The following PCDH15 variants were observed in gnomAD, a reference collection of about 807,000 sequenced individuals.
PCDH15 encodes protocadherin-15.
In PCDH15, 129 loss-of-function variants were observed where a neutral mutation model predicts 178.5. The observed-to-expected ratio is 0.72, with a 90% CI of 0.63 to 0.84. PCDH15 has a LOEUF of 0.84. Among genes scored for constraint, PCDH15 ranks in the 40% least tolerant of loss-of-function variants. The probability of loss-of-function intolerance (pLI) is 0.00; values close to 1 mark genes in which losing one functional copy is unlikely to be tolerated. For missense variants in PCDH15, 2,230 were observed against 2,099.9 expected (o/e 1.06, Z -1.21); for synonymous variants, 800 against 732.0 (o/e 1.09, Z -1.50).
At chr10:55,416,772 G>A (rs967475206) in intron 2 of PCDH15, among the ~76,000 whole-genome samples, 1 of 151,712 alleles carries the variant, frequency 6.6e-6, no homozygotes, top group Non-Finnish European at 1.5e-5. Flanking sequence ...AAGTTTACTT[G>A]AGTTTCTGAT....
At chr10:54,754,709 T>A (rs72796506) in intron 1 of PCDH15, among the ~76,000 whole-genome samples, 16,521 of 152,064 alleles carry the variant, frequency 0.11, 1,170 homozygotes, top group Middle Eastern at 0.19. Context: ...TCCCATATGA[T>A]TATTTCAGCT....
At chr10:54,106,339 C>T (rs966861863) in intron 15 of PCDH15, among the ~76,000 whole-genome samples, 5 of 152,106 alleles carry the variant, frequency 3.3e-5, no homozygotes, top group East Asian at 3.8e-4. Flanking sequence ...ATGGAGTTAG[C>T]ACAGCTTCCT....
At chr10:54,949,995 C>T (rs1357654784) in intron 2 of PCDH15, among the ~76,000 whole-genome samples, 1 of 152,014 alleles carries the variant, frequency 6.6e-6, no homozygotes, top group Non-Finnish European at 1.5e-5. Flanking sequence ...TCTTCTGAGC[C>T]CTCCAAACTG....
intron 20 of PCDH15, among the ~76,000 whole-genome samples, chr10:54,002,849 AG>A (rs1198487886): frequency 1.3e-5 from 2 of 152,096 alleles, no homozygotes; most frequent in African/African-American, 4.8e-5. Flanking sequence ...AAGAAAGGGG[AG>A]GGGGTAACAC....
At chr10:54,621,706 A>AT (rs2093352760) in intron 2 of PCDH15, among the ~76,000 whole-genome samples, 2 of 152,050 alleles carry the variant, frequency 1.3e-5, no homozygotes, top group South Asian at 2.1e-4. Flanking sequence ...CTCAAATCCC[A>AT]TTTTTCTCCG....
intron 3 of PCDH15, among the ~76,000 whole-genome samples, chr10:54,843,735 C>T (rs1268634408): frequency 6.6e-6 from 1 of 151,854 alleles, no homozygotes; most frequent in South Asian, 2.1e-4. Context: ...CTTCAATAAA[C>T]GTAGTAAATA....
chr10:54,253,964 T>G (rs528050173), intron 8 of PCDH15, among the ~76,000 whole-genome samples: 2 of 152,204 alleles, frequency 1.3e-5, no homozygotes, highest in South Asian at 4.1e-4. Context: ...TATACAGCAT[T>G]TGTGCATTAG....
chr10:55,242,543 A>G (rs547663427), intron 1 of PCDH15, among the ~76,000 whole-genome samples: 42 of 152,234 alleles, frequency 2.8e-4, no homozygotes, highest in African/African-American at 9.9e-4. Flanking sequence ...GAGAAGATAA[A>G]ATCACAAACT....
chr10:55,104,943 G>T (rs188515418), intron 2 of PCDH15, among the ~76,000 whole-genome samples: 2 of 152,254 alleles, frequency 1.3e-5, no homozygotes, highest in African/African-American at 4.8e-5. Context: ...TAGCCTCATG[G>T]GGTGTTTTAA....
intron 5 of PCDH15, among the ~76,000 whole-genome samples, chr10:54,368,389 T>A (rs2134689745): frequency 6.6e-6 from 1 of 152,100 alleles, no homozygotes; most frequent in African/African-American, 2.4e-5. Context: ...TGTCATTCAT[T>A]TTTTCATGTG....
intron 18 of PCDH15, among the ~76,000 whole-genome samples, chr10:54,028,012 C>G (rs201929005): frequency 1.3e-5 from 2 of 148,578 alleles, no homozygotes; most frequent in African/African-American, 2.4e-5. Context: ...GCAACCCACA[C>G]AATGGGAGAA....
chr10:54,055,627 C>T (rs970552457), intron 18 of PCDH15, among the ~76,000 whole-genome samples: 13 of 152,240 alleles, frequency 8.5e-5, no homozygotes, highest in Non-Finnish European at 1.6e-4. Context: ...AGGCCAGACA[C>T]CTCTGATATT....
chr10:54,217,962 T>C (rs78395936), intron 9 of PCDH15, among the ~76,000 whole-genome samples: 55 of 152,288 alleles, frequency 3.6e-4, no homozygotes, highest in African/African-American at 1.2e-3. Flanking sequence ...AATTTGAGCA[T>C]CAATAAGGAT....
At chr10:54,839,003 C>G (rs1953370364) in intron 3 of PCDH15, among the ~76,000 whole-genome samples, 2 of 152,124 alleles carry the variant, frequency 1.3e-5, no homozygotes, top group African/African-American at 4.8e-5. Flanking sequence ...TGTAGAGGCA[C>G]TCCTGTCACC....
At chr10:54,656,915 C>G (rs2094416144) in intron 2 of PCDH15, among the ~76,000 whole-genome samples, 1 of 152,162 alleles carries the variant, frequency 6.6e-6, no homozygotes, top group Admixed American at 6.5e-5. Context: ...AGTTAAAGGC[C>G]AGCCCTTGTG....
chr10:54,944,830 ATTAT>A (rs1348832908), intron 2 of PCDH15, among the ~76,000 whole-genome samples: 4 of 151,882 alleles, frequency 2.6e-5, no homozygotes, highest in Non-Finnish European at 5.9e-5. Flanking sequence ...TAAAAGTCTA[ATTAT>A]TTATCAAAAG....
At chr10:54,614,778 A>G (rs1465911210) in intron 2 of PCDH15, among the ~76,000 whole-genome samples, 1 of 151,824 alleles carries the variant, frequency 6.6e-6, no homozygotes, top group African/African-American at 2.4e-5. Context: ...GTGTGGAACA[A>G]GGGTTTGGGA....
intron 2 of PCDH15, among the ~76,000 whole-genome samples, chr10:55,388,953 C>T (rs1005076557): frequency 6.6e-6 from 1 of 152,102 alleles, no homozygotes; most frequent in African/African-American, 2.4e-5. Context: ...AGTTCCTTCT[C>T]TGAATGATAA....
intron 2 of PCDH15, among the ~76,000 whole-genome samples, chr10:55,350,258 TATATATATATACAC>T (rs1453258690): frequency 6.8e-4 from 47 of 69,078 alleles, no homozygotes; most frequent in Admixed American, 1.2e-3. Context: ...TATATATATA[TATATATATATACAC>T]ACACACACAC....
Sources: gnomAD v4.1 joint callset for allele counts (sites outside exome capture counted in the v4.1 genomes callset) on GRCh38, gnomAD v4.1.1 for gene constraint, MANE v1.5 for transcripts, NCBI Gene and HGNC (gene_info 2026-07-23, HGNC 2026-07-21) for gene names.